The following SLC44A5 variants were observed in gnomAD, a reference collection of about 807,000 sequenced individuals.
SLC44A5 encodes the protein solute carrier family 44 member 5, also known as choline transporter-like protein 5.
SLC44A5 carries 57 observed loss-of-function variants against 101.8 expected under a neutral mutation model. The ratio of observed to expected loss-of-function variants is 0.56; its 90% CI spans 0.45 to 0.70. SLC44A5 has a LOEUF of 0.70. SLC44A5 is among the 30% of genes least tolerant of loss of function. The pLI, the probability that SLC44A5 is intolerant of heterozygous loss-of-function variation, is 0.00. For missense variants in SLC44A5, 737 were observed against 853.1 expected (o/e 0.86, Z 1.70); for synonymous variants, 281 against 290.9 (o/e 0.97, Z 0.35).
chr1:75,286,452 A>G (rs1343952730), intron 5 of SLC44A5, among the ~76,000 whole-genome samples: 2 of 152,164 alleles, frequency 1.3e-5, no homozygotes, highest in Non-Finnish European at 2.9e-5. Context: ...TAAGTGGAGC[A>G]TTTACATCAT....
intron 2 of SLC44A5, among the ~76,000 whole-genome samples, chr1:75,494,499 CA>C (rs1668573970): frequency 6.6e-6 from 1 of 152,162 alleles, no homozygotes; most frequent in Non-Finnish European, 1.5e-5. Flanking sequence ...ATGAGACAGG[CA>C]ATCACTAATG....
At chr1:75,364,828 G>C (rs1475492535) in intron 3 of SLC44A5, among the ~76,000 whole-genome samples, 1 of 152,018 alleles carries the variant, frequency 6.6e-6, no homozygotes, top group Non-Finnish European at 1.5e-5. Flanking sequence ...TCCTGTCATG[G>C]AGCTCACTGA....
At chr1:75,708,413 C>CAAAA in the SLC44A5 span, among the ~76,000 whole-genome samples, 1,119 of 39,068 alleles carry the variant, frequency 0.029, 283 homozygotes, top group African/African-American at 0.12. Context: ...GACTCCGTCT[C>CAAAA]AAAAAAAAAA....
intron 2 of SLC44A5, among the ~76,000 whole-genome samples, chr1:75,494,482 G>C (rs1668573068): frequency 1.3e-5 from 2 of 152,148 alleles, no homozygotes; most frequent in African/African-American, 4.8e-5. Context: ...ACTGGCTCCT[G>C]GAGCTGATGA....
intron 2 of SLC44A5, among the ~76,000 whole-genome samples, chr1:75,474,048 A>C (rs1667254585): frequency 6.6e-6 from 1 of 152,206 alleles, no homozygotes; most frequent in Non-Finnish European, 1.5e-5. Context: ...AATATATGTT[A>C]ATAAAAATGT....
intron 1 of SLC44A5, among the ~76,000 whole-genome samples, chr1:75,596,205 CA>C (rs1674624738): frequency 6.6e-6 from 1 of 151,050 alleles, no homozygotes. Flanking sequence ...GACACATGCA[CA>C]CACACACACA....
intron 2 of SLC44A5, among the ~76,000 whole-genome samples, chr1:75,540,060 A>AG (rs1671273189): frequency 2.4e-5 from 2 of 81,946 alleles, no homozygotes; most frequent in South Asian, 7.0e-4. Context: ...AGCCAATCTA[A>AG]ATATAATGTA....
intron 2 of SLC44A5, among the ~76,000 whole-genome samples, chr1:75,497,116 C>A (rs1668717707): frequency 6.6e-6 from 1 of 152,000 alleles, no homozygotes; most frequent in Non-Finnish European, 1.5e-5. Flanking sequence ...ATATACGATC[C>A]AGCAATCCCA....
the SLC44A5 span, among the ~76,000 whole-genome samples, chr1:75,664,777 C>T: frequency 7.3e-5 from 11 of 151,450 alleles, no homozygotes; most frequent in South Asian, 2.1e-4. Context: ...AAAAATTAGC[C>T]GGGTGTGGTG....
At chr1:75,449,898 G>A (rs1253604660) in intron 2 of SLC44A5, among the ~76,000 whole-genome samples, 1 of 152,060 alleles carries the variant, frequency 6.6e-6, no homozygotes, top group Non-Finnish European at 1.5e-5. Context: ...CTACTCAGGA[G>A]GCTGAGGCAG....
At chr1:75,614,152 C>A (rs903688008), upstream of SLC44A5, among the ~76,000 whole-genome samples, 8 of 152,148 alleles carry the variant, frequency 5.3e-5, no homozygotes, top group East Asian at 1.5e-3. Context: ...AAGGAGCGAA[C>A]CAAAAGTGTA....
At chr1:75,479,987 G>T (rs1667727181) in intron 2 of SLC44A5, among the ~76,000 whole-genome samples, 2 of 152,292 alleles carry the variant, frequency 1.3e-5, no homozygotes, top group South Asian at 4.1e-4. Context: ...GATGAACATT[G>T]ATGCAAAAAT....
the SLC44A5 span, among the ~76,000 whole-genome samples, chr1:75,617,339 G>A: frequency 6.6e-6 from 1 of 152,040 alleles, no homozygotes; most frequent in Non-Finnish European, 1.5e-5. Flanking sequence ...CCCAGAAGTT[G>A]CCCCAGTACT....
At chr1:75,353,370 T>C (rs1040680167) in intron 3 of SLC44A5, among the ~76,000 whole-genome samples, 1 of 152,172 alleles carries the variant, frequency 6.6e-6, no homozygotes, top group African/African-American at 2.4e-5. Context: ...TTTTTGACTA[T>C]CTATTAGTCC....
At chr1:75,507,596 G>A (rs541802245) in intron 2 of SLC44A5, among the ~76,000 whole-genome samples, 39 of 152,126 alleles carry the variant, frequency 2.6e-4, no homozygotes, top group African/African-American at 8.9e-4. Flanking sequence ...CCTCCTCCTC[G>A]ATTTTTTAAA....
chr1:75,393,695 C>T (rs1318405971), intron 3 of SLC44A5, among the ~76,000 whole-genome samples: 2 of 152,114 alleles, frequency 1.3e-5, no homozygotes, highest in African/African-American at 2.4e-5. Context: ...TTTATTTGCT[C>T]ACTTCACAAC....
the SLC44A5 span, among the ~76,000 whole-genome samples, chr1:75,673,638 C>A: frequency 6.6e-6 from 1 of 152,140 alleles, no homozygotes; most frequent in South Asian, 2.1e-4. Flanking sequence ...TGGCTTCAGG[C>A]CTGACCCAGC....
At chr1:75,632,715 A>G in the SLC44A5 span, among the ~76,000 whole-genome samples, 1 of 152,184 alleles carries the variant, frequency 6.6e-6, no homozygotes, top group Admixed American at 6.5e-5. Flanking sequence ...CCCACAGGGA[A>G]TATTTGAGCA....
chr1:75,387,501 C>G (rs1661449908), intron 3 of SLC44A5, among the ~76,000 whole-genome samples: 1 of 73,346 alleles, frequency 1.4e-5, no homozygotes, highest in African/African-American at 5.5e-5. Context: ...CAAATCAAAA[C>G]CACAATGAGA....
Sources: gnomAD v4.1 joint callset for allele counts (sites outside exome capture counted in the v4.1 genomes callset) on GRCh38, gnomAD v4.1.1 for gene constraint, MANE v1.5 for transcripts, NCBI Gene and HGNC (gene_info 2026-07-23, HGNC 2026-07-21) for gene names.